Variants in TENM3 observed in about 807,000 individuals in gnomAD.
TENM3 encodes teneurin transmembrane protein 3, also known as teneurin-3.
A neutral mutation model predicts 255.1 loss-of-function variants in TENM3; 63 were observed. That is an observed-to-expected ratio of 0.25 (90% CI 0.20 to 0.30). The LOEUF (loss-of-function observed/expected upper bound fraction) is 0.30, where lower values mean the gene tolerates loss of function less well. Ranked by LOEUF, TENM3 falls within the 10% of genes least tolerant of loss-of-function variation. TENM3 has a pLI of 1.00. For missense variants in TENM3, 2,929 were observed against 3,461.1 expected, an observed-to-expected ratio of 0.85 and a Z score of 3.86; for synonymous variants, 1,306 against 1,322.3, an observed-to-expected ratio of 0.99 and a Z score of 0.27.
rs555013196 is a variant in TENM3, at chr4:182,473,455, C to T, written c.511+126526C>T. Among the ~76,000 whole-genome samples, 17 of 152,212 alleles carry T rather than the reference C, an allele frequency of 1.1e-4. No individual in the cohort carries two copies. In the South Asian group the frequency reaches 2.3e-3, roughly 20 times the overall value. ...TTGGGAGGCCAAGGCGGGTGGATCACGAAGTCAGGAGATCGAGACCATGCT... is the reference window on the plus strand; with the variant it reads ...TTGGGAGGCCAAGGCGGGTGGATCATGAAGTCAGGAGATCGAGACCATGCT... On this transcript the variant is annotated intron_variant, in intron 3 of 27. Transcript: ENST00000511685.
At chr4:182,770,415 CTG>C (rs1467826727) in intron 22 of TENM3, among the ~76,000 whole-genome samples, 2 of 152,310 alleles carry the variant, frequency 1.3e-5, no homozygotes, top group Non-Finnish European at 2.9e-5. Context: ...GTGCTGGCCA[CTG>C]TGCCTCAGCC....
the TENM3 span, among the ~76,000 whole-genome samples, chr4:181,930,822 C>T: frequency 3.3e-5 from 5 of 152,172 alleles, no homozygotes; most frequent in African/African-American, 7.2e-5. Flanking sequence ...CCACCATGAT[C>T]CCGTCAGCTT....
At chr4:182,224,992 A>G (rs1389197143) in intron 1 of TENM3, among the ~76,000 whole-genome samples, 1 of 152,106 alleles carries the variant, frequency 6.6e-6, no homozygotes, top group Non-Finnish European at 1.5e-5. Flanking sequence ...TTGGCCTCCC[A>G]AAGTGCTGGG....
the TENM3 span, among the ~76,000 whole-genome samples, chr4:182,008,460 C>A: frequency 6.6e-6 from 1 of 151,892 alleles, no homozygotes; most frequent in Non-Finnish European, 1.5e-5. Context: ...CTATTCTTGT[C>A]TGCATGTCTT....
the TENM3 span, among the ~76,000 whole-genome samples, chr4:181,768,677 A>G: frequency 3.2e-4 from 49 of 152,126 alleles, no homozygotes; most frequent in Non-Finnish European, 6.2e-4. Context: ...ATCAAACCAG[A>G]AGTTATTCAT....
intron 3 of TENM3, among the ~76,000 whole-genome samples, chr4:182,566,221 T>C (rs967679955): frequency 1.3e-5 from 2 of 152,342 alleles, no homozygotes; most frequent in Admixed American, 1.3e-4. Context: ...AATGTCCATA[T>C]GGCATTTGGC....
intron 1 of TENM3, chr4:182,169,347 C>T: frequency 2.1e-6 from 1 of 472,708 alleles, no homozygotes; most frequent in Non-Finnish European, 4.4e-6. Flanking sequence ...AGATACTTTT[C>T]AACTCTAATG....
chr4:182,429,063 C>A (rs1771442618), intron 3 of TENM3, among the ~76,000 whole-genome samples: 1 of 152,246 alleles, frequency 6.6e-6, no homozygotes, highest in South Asian at 2.1e-4. Context: ...AGACTCCCAC[C>A]ATTTCCATTA....
chr4:182,157,206 C>T (rs138678675), intron 1 of TENM3, among the ~76,000 whole-genome samples: 10 of 152,124 alleles, frequency 6.6e-5, no homozygotes, highest in Non-Finnish European at 1.3e-4. Flanking sequence ...ACAAATGTTT[C>T]GAAACATAGT....
intron 24 of TENM3, among the ~76,000 whole-genome samples, chr4:182,788,195 T>A (rs1375407366): frequency 6.6e-6 from 1 of 152,156 alleles, no homozygotes; most frequent in Admixed American, 6.5e-5. Flanking sequence ...AAGCCACCCC[T>A]CCCACAAAGG....
chr4:182,503,746 T>C (rs1736544319), intron 3 of TENM3, among the ~76,000 whole-genome samples: 1 of 152,096 alleles, frequency 6.6e-6, no homozygotes, highest in Non-Finnish European at 1.5e-5. Flanking sequence ...TGTGAGCCCA[T>C]ATTCCATAGG....
At chr4:182,744,887 A>G (rs1761892211) in intron 19 of TENM3, among the ~76,000 whole-genome samples, 2 of 152,198 alleles carry the variant, frequency 1.3e-5, no homozygotes, top group African/African-American at 4.8e-5. Context: ...ACGTAGCTGC[A>G]GAAGATACAA....
chr4:181,848,564 G>C, the TENM3 span, among the ~76,000 whole-genome samples: 1 of 152,132 alleles, frequency 6.6e-6, no homozygotes, highest in Non-Finnish European at 1.5e-5. Flanking sequence ...ATAATGGAAA[G>C]CTGAGTGCTT....
At chr4:182,470,891 T>G (rs1399766440) in intron 3 of TENM3, among the ~76,000 whole-genome samples, 1 of 152,200 alleles carries the variant, frequency 6.6e-6, no homozygotes, top group Non-Finnish European at 1.5e-5. Context: ...AATACAACAA[T>G]TACCGGGTGT....
chr4:181,948,397 AT>A, the TENM3 span, among the ~76,000 whole-genome samples: 1 of 152,118 alleles, frequency 6.6e-6, no homozygotes, highest in African/African-American at 2.4e-5. Context: ...CCAATAAATT[AT>A]TTTTTATATA....
intron 3 of TENM3, among the ~76,000 whole-genome samples, chr4:182,441,105 T>C (rs1157340743): frequency 1.3e-5 from 2 of 152,198 alleles, no homozygotes; most frequent in Admixed American, 6.5e-5. Flanking sequence ...TAATTTAGAC[T>C]GGATTATATC....
the TENM3 span, among the ~76,000 whole-genome samples, chr4:181,565,615 A>G: frequency 1.3e-5 from 2 of 152,234 alleles, no homozygotes; most frequent in Non-Finnish European, 2.9e-5. Flanking sequence ...GGCTCCCTGT[A>G]GAGAGAAACA....
chr4:182,519,862 AT>A (rs1353106415), intron 3 of TENM3, among the ~76,000 whole-genome samples: 1 of 152,134 alleles, frequency 6.6e-6, no homozygotes, highest in Non-Finnish European at 1.5e-5. Context: ...GTGACTACTT[AT>A]GTTTATACAG....
intron 1 of TENM3, among the ~76,000 whole-genome samples, chr4:182,194,408 A>G (rs575424718): frequency 2.0e-4 from 31 of 152,318 alleles, no homozygotes; most frequent in African/African-American, 6.7e-4. Flanking sequence ...TTACCGGAAT[A>G]TATTCTGAAA....
Sources: gnomAD v4.1 joint callset for allele counts (sites outside exome capture counted in the v4.1 genomes callset) on GRCh38, gnomAD v4.1.1 for gene constraint, MANE v1.5 for transcripts, NCBI Gene and HGNC (gene_info 2026-07-23, HGNC 2026-07-21) for gene names.